The following PKIG variants were observed in gnomAD, a reference collection of about 807,000 sequenced individuals.
PKIG encodes cAMP-dependent protein kinase inhibitor gamma, also known as protein kinase (cAMP-dependent, catalytic) inhibitor gamma.
Under a neutral mutation model 6.8 loss-of-function variants are expected in PKIG, and 1 was observed. The observed-to-expected ratio is 0.15, with a 90% CI of 0.05 to 0.69. The LOEUF is 0.69. PKIG is among the 30% of genes least tolerant of loss of function. PKIG has a pLI of 0.82. For synonymous variants in PKIG, 39 were observed against 43.0 expected, an observed-to-expected ratio of 0.91 and a Z score of 0.36; for missense variants, 77 against 104.0, an observed-to-expected ratio of 0.74 and a Z score of 1.13.
intron 1 of PKIG, chr20:44,585,065 T>C (rs2064978935): frequency 6.6e-6 from 1 of 152,082 alleles, no homozygotes; most frequent in African/African-American, 2.4e-5. Context: ...ATCTTGAGAT[T>C]TGGGGTAATC....
chr20:44,571,276 T>A (rs2064852085), intron 1 of PKIG, among the ~76,000 whole-genome samples: 2 of 151,914 alleles, frequency 1.3e-5, no homozygotes, highest in South Asian at 2.1e-4. Context: ...AAAAAATTTT[T>A]AAATAATTTG....
intron 1 of PKIG, among the ~76,000 whole-genome samples, chr20:44,549,052 A>G (rs965735917): frequency 6.6e-6 from 1 of 152,224 alleles, no homozygotes; most frequent in Admixed American, 6.5e-5. Flanking sequence ...CCCAGATCAG[A>G]AAGTCAATGC....
At chr20:44,599,704 G>A (rs1369636465) in intron 2 of PKIG, among the ~76,000 whole-genome samples, 1 of 152,174 alleles carries the variant, frequency 6.6e-6, no homozygotes, top group Non-Finnish European at 1.5e-5. Flanking sequence ...CCTAGTCACA[G>A]AGCGAGATTC....
chr20:44,554,415 A>G (rs965404043), intron 1 of PKIG, among the ~76,000 whole-genome samples: 1 of 152,190 alleles, frequency 6.6e-6, no homozygotes, highest in Non-Finnish European at 1.5e-5. Flanking sequence ...AATTTAACAT[A>G]TAGTGAAATG....
chr20:44,618,565 C>G lies in PKIG; in HGVS notation c.*201C>G. On this transcript the variant is annotated 3_prime_UTR_variant, in exon 4 of 4. Coordinates refer to ENST00000372886, the MANE Select transcript of PKIG (RefSeq NM_001281445.2). ...CACACCCACAGGCTTCACATTCCCA[C>G]CACCTTCGCACCGTGCCCAGGTACA... is the stretch of plus-strand genomic sequence containing the variant. 1.8e-6 allele frequency: 1 copy of G among 543,110 alleles called. No homozygotes were observed. The highest frequency in any genetic ancestry group is 2.0e-5 in the South Asian group (1 of 50,590). 33.6% of individuals were successfully genotyped at this position (543,110 alleles called of 1,614,324 possible). A position where few individuals can be genotyped will look rare whatever the true frequency, so the allele number is the denominator to read the frequency against.
At position 44,614,763 on chromosome 20, in the gene PKIG, C is replaced by A; in HGVS notation, c.151+56C>A. On this transcript the variant is annotated intron_variant, in intron 3 of 3. Coordinates refer to ENST00000372886, the MANE Select transcript of PKIG (RefSeq NM_001281445.2). This position sits in a 1 kb window ranked among gnomAD's most constrained non-coding sequence, Gnocchi z 4.6. ...CATGCCAGAGGCCCTCTGCCGGGCC[C>A]CGGGCTAGCCTCCAAGTCCTAGACT... 1 of 1,583,108 alleles carries A rather than the reference C, an allele frequency of 6.3e-7. No individual in the cohort carries two copies. Among genetic ancestry groups the A allele is most frequent in the Non-Finnish European group, 8.6e-7 (1 of 1,158,742 alleles).
chr20:44,537,803 C>G lies in PKIG; in HGVS notation c.-241+5825C>G, dbSNP rs1202972181. Reference sequence around the variant, plus strand: ...GTTTCACCATATTGGCCAGGCTGGTCTCAAACTCCTGAACTCAGATGATCC... The same window carrying G: ...GTTTCACCATATTGGCCAGGCTGGTGTCAAACTCCTGAACTCAGATGATCC... On this transcript the variant is annotated intron_variant, in intron 1 of 4. Coordinates refer to the PKIG transcript ENST00000372887. Among the ~76,000 whole-genome samples the G allele has an allele frequency of 4.7e-5, 7 of 147,812 alleles. No individual in the cohort carries two copies. The East Asian group carries it at 8.0e-4, about 17-fold the overall frequency.
intron 2 of PKIG, among the ~76,000 whole-genome samples, chr20:44,607,097 A>G (rs78824799): frequency 0.049 from 7,487 of 152,312 alleles, 275 homozygotes; most frequent in Non-Finnish European, 0.075. Flanking sequence ...TTATAATAAA[A>G]AAGTCACAGA....
At chr20:44,611,232 T>G (rs1333980605) in intron 2 of PKIG, among the ~76,000 whole-genome samples, 1 of 152,002 alleles carries the variant, frequency 6.6e-6, no homozygotes, top group Admixed American at 6.6e-5. Flanking sequence ...TTTTGTATTT[T>G]TAGTAGAGGC....
At chr20:44,610,456 C>T (rs1205287964) in intron 2 of PKIG, among the ~76,000 whole-genome samples, 3 of 146,842 alleles carry the variant, frequency 2.0e-5, no homozygotes, top group Non-Finnish European at 4.5e-5. Flanking sequence ...TTCTCTGTCT[C>T]TCTCTTTCTC....
intron 1 of PKIG, among the ~76,000 whole-genome samples, chr20:44,552,642 G>A (rs566471257): frequency 4.6e-5 from 7 of 152,122 alleles, no homozygotes; most frequent in Non-Finnish European, 7.4e-5. Flanking sequence ...ACCCCTGTGC[G>A]CCAGGTTCCT....
intron 2 of PKIG, among the ~76,000 whole-genome samples, chr20:44,596,702 C>T (rs573282881): frequency 4.1e-4 from 63 of 152,290 alleles, no homozygotes; most frequent in Non-Finnish European, 4.9e-4. Context: ...GGCAGAGCCC[C>T]AGCCACTGCT....
intron 1 of PKIG, among the ~76,000 whole-genome samples, chr20:44,544,206 GCC>G (rs2064589770): frequency 1.3e-5 from 2 of 152,272 alleles, no homozygotes; most frequent in South Asian, 4.1e-4. Flanking sequence ...GCAATGTGAT[GCC>G]CTGATGGGCT....
At chr20:44,568,431 C>T (rs2064827845) in intron 1 of PKIG, among the ~76,000 whole-genome samples, 1 of 151,222 alleles carries the variant, frequency 6.6e-6, no homozygotes, top group African/African-American at 2.4e-5. Context: ...AGACATGAGC[C>T]CCTTCTACAT....
intron 1 of PKIG, among the ~76,000 whole-genome samples, chr20:44,571,577 A>G (rs1037444144): frequency 3.3e-5 from 5 of 152,226 alleles, no homozygotes; most frequent in Non-Finnish European, 5.9e-5. Context: ...GAAGCTGCCA[A>G]CATGCATGTT....
chr20:44,603,365 A>G (rs1227986992), intron 2 of PKIG, among the ~76,000 whole-genome samples: 9 of 152,130 alleles, frequency 5.9e-5, no homozygotes, highest in African/African-American at 9.7e-5. Flanking sequence ...ATCTTATTGA[A>G]TCTTCATAAC....
In PKIG at chr20:44,583,210, T is replaced by C. The variant is rs530079548; in HGVS notation, c.-94+479T>C. Among the ~76,000 whole-genome samples, 8 of 152,324 alleles carry C rather than the reference T, an allele frequency of 5.3e-5. No individual in the cohort carries two copies. The East Asian group carries it at 1.2e-3, about 22-fold the overall frequency. ...TTGTGTTAAATTTCAGTTACAGATA[T>C]GGTCAGACTCCATGAATTTACCACA... On this transcript the variant is annotated intron_variant, in intron 1 of 3. Transcript: ENST00000372886.
intron 2 of PKIG, among the ~76,000 whole-genome samples, chr20:44,606,735 G>T (rs1004159608): frequency 3.9e-5 from 6 of 152,102 alleles, no homozygotes; most frequent in African/African-American, 4.8e-5. Flanking sequence ...CTTGAATCTG[G>T]GAGGAGGAGG....
intron 1 of PKIG, among the ~76,000 whole-genome samples, chr20:44,575,908 C>A (rs1180709458): frequency 1.3e-5 from 2 of 152,118 alleles, no homozygotes; most frequent in African/African-American, 2.4e-5. Flanking sequence ...AGGTTCAGAG[C>A]CTCCCTGGGG....
Sources: allele counts gnomAD v4.1 joint callset (sites outside exome capture counted in the v4.1 genomes callset), GRCh38; gene constraint gnomAD v4.1.1; non-coding constraint Gnocchi (gnomAD v3.1); transcripts MANE v1.5; gene names NCBI Gene and HGNC (gene_info 2026-07-23, HGNC 2026-07-21).